WWC1: variants seen among roughly 807,000 people sequenced by gnomAD.
The protein encoded by WWC1 is protein KIBRA.
A neutral mutation model predicts 138.4 loss-of-function variants in WWC1; 55 were observed. That is an observed-to-expected ratio of 0.40 (90% CI 0.32 to 0.50). The LOEUF (loss-of-function observed/expected upper bound fraction) is 0.50. WWC1 is among the 20% of genes least tolerant of loss of function. WWC1 has a pLI of 0.72. For missense variants in WWC1, 1,226 were observed against 1,420.4 expected (o/e 0.86, Z 2.20); for synonymous variants, 524 against 564.9 (o/e 0.93, Z 1.03).
intron 8 of WWC1, 178 bp from the exon 9 acceptor site, chr5:168,414,170 A>G: frequency 1.2e-6 from 1 of 848,570 alleles, no homozygotes. Flanking sequence ...TTGTTGGCAC[A>G]TGGTAGGCAC....
At chr5:168,436,823 T>G (rs746048698) in intron 15 of WWC1, among the ~76,000 whole-genome samples, 11 of 152,108 alleles carry the variant, frequency 7.2e-5, no homozygotes, top group Non-Finnish European at 1.6e-4. Context: ...GGCAGCCATC[T>G]CCTACTTGGT....
At chr5:168,399,717 T>C in intron 5 of WWC1, 150 bp downstream of exon 5, 1 of 809,222 alleles carries the variant, frequency 1.2e-6, no homozygotes, top group Non-Finnish European at 2.0e-6. Context: ...TCCACTGGCA[T>C]TTCCTGAAGA....
At chr5:168,431,507 C>A in intron 15 of WWC1, 63 bp downstream of exon 15, 1 of 1,520,318 alleles carries the variant, frequency 6.6e-7, no homozygotes, top group Non-Finnish European at 8.8e-7. Context: ...GCTGGCTGAC[C>A]GGCCTTCTGT....
chr5:168,414,478 A>T lies in WWC1; in HGVS notation c.1072A>T (p.Ser358Cys), dbSNP rs1780448019. 4 of 1,563,718 alleles carry T rather than the reference A, an allele frequency of 2.6e-6. No homozygotes were observed. The East Asian group carries it at 9.5e-5, about 37-fold the overall frequency. Residue 358 changes from serine to cysteine, a missense_variant, in exon 9 of 23, where the codon AGC becomes TGC. Ser to Cys is a moderately radical substitution (Grantham distance 112, BLOSUM62 -1). Around this residue, in one of 3 missense-constraint regions of WWC1, gnomAD observed 1,016 missense variants for 1,153.9 expected, o/e 0.88. Coordinates refer to ENST00000265293, the MANE Select transcript of WWC1 (RefSeq NM_015238.3). ...EELLKEMRFI[S>C]PRKWTQGEVE... Reference sequence around the variant, plus strand: ...GCTGCTGAAGGAGATGCGCTTCATCAGCCCCCGCAAGTGGACCCAGGGGGA... The same window carrying T: ...GCTGCTGAAGGAGATGCGCTTCATCTGCCCCCGCAAGTGGACCCAGGGGGA...
chr5:168,414,749 G>T, intron 9 of WWC1, 159 bp downstream of exon 9: 1 of 1,135,322 alleles, frequency 8.8e-7, no homozygotes, highest in East Asian at 2.7e-5. Flanking sequence ...AGGAAATCAG[G>T]AAAGATGGTT....
At chr5:168,341,413 C>G (rs1774025598) in intron 1 of WWC1, among the ~76,000 whole-genome samples, 1 of 152,140 alleles carries the variant, frequency 6.6e-6, no homozygotes, top group Non-Finnish European at 1.5e-5. Flanking sequence ...CTCAGCACCC[C>G]ATAGGCACAA....
intron 2 of WWC1, among the ~76,000 whole-genome samples, chr5:168,373,295 A>G (rs192308089): frequency 6.6e-6 from 1 of 152,190 alleles, no homozygotes; most frequent in East Asian, 1.9e-4. Flanking sequence ...AGAAAGTAGT[A>G]GCAGGCCGTG....
intron 1 of WWC1, among the ~76,000 whole-genome samples, chr5:168,326,487 G>A (rs909591828): frequency 1.9e-4 from 29 of 152,232 alleles, no homozygotes; most frequent in African/African-American, 6.5e-4. Flanking sequence ...AAAGTGCTGG[G>A]ATTACAGGCA....
chr5:168,408,717 T>C, intron 7 of WWC1, 64 bp downstream of exon 7: 2 of 1,589,886 alleles, frequency 1.3e-6, no homozygotes, highest in Non-Finnish European at 1.7e-6. Flanking sequence ...GCTGCTGTAA[T>C]GGACAGCTGC....
intron 11 of WWC1, among the ~76,000 whole-genome samples, chr5:168,426,489 T>TGCC (rs1210751575): frequency 6.6e-6 from 1 of 152,196 alleles, no homozygotes; most frequent in Non-Finnish European, 1.5e-5. Context: ...ATTTCCTTCA[T>TGCC]GCCATCTCCA....
At chr5:168,360,435 A>C (rs192522323) in intron 1 of WWC1, among the ~76,000 whole-genome samples, 3 of 152,130 alleles carry the variant, frequency 2.0e-5, no homozygotes, top group African/African-American at 7.2e-5. Context: ...TGCCTCACAG[A>C]AATATTGTTA....
At chr5:168,409,233 T>C (rs370229073) in intron 7 of WWC1, among the ~76,000 whole-genome samples, 28 of 152,216 alleles carry the variant, frequency 1.8e-4, no homozygotes, top group Non-Finnish European at 3.8e-4. Context: ...GCCAGCAACA[T>C]TGAACGAATC....
intron 1 of WWC1, among the ~76,000 whole-genome samples, chr5:168,311,702 C>T (rs1771100506): frequency 6.6e-6 from 1 of 152,126 alleles, no homozygotes; most frequent in Admixed American, 6.5e-5. Context: ...AAAACCCCAT[C>T]TCTACTAAAA....
At chr5:168,419,665 G>A (rs1027478415) in intron 9 of WWC1, among the ~76,000 whole-genome samples, 8 of 152,202 alleles carry the variant, frequency 5.3e-5, no homozygotes, top group African/African-American at 1.7e-4. Context: ...GGCCACAGGC[G>A]GAGAAAGACT....
intron 9 of WWC1, among the ~76,000 whole-genome samples, chr5:168,419,872 A>T (rs4976603): frequency 6.6e-6 from 1 of 152,006 alleles, no homozygotes; most frequent in African/African-American, 2.4e-5. Flanking sequence ...GATATGGTCC[A>T]AAAGCCAGAG....
chr5:168,298,609 T>C (rs1457439029), intron 1 of WWC1, among the ~76,000 whole-genome samples: 2 of 152,250 alleles, frequency 1.3e-5, no homozygotes, highest in East Asian at 1.9e-4. Flanking sequence ...GGATAGATAA[T>C]AGGGAGAAGC....
chr5:168,299,637 G>T (rs1363172271), intron 1 of WWC1, among the ~76,000 whole-genome samples: 1 of 152,196 alleles, frequency 6.6e-6, no homozygotes, highest in African/African-American at 2.4e-5. Flanking sequence ...ATTCCCTGGG[G>T]TCCCAGATTG....
intron 1 of WWC1, among the ~76,000 whole-genome samples, chr5:168,334,848 G>A (rs748981916): frequency 8.5e-5 from 13 of 152,234 alleles, no homozygotes; most frequent in Non-Finnish European, 1.5e-4. Flanking sequence ...GCGCCTGAGC[G>A]CCTGGAGCCC....
At chr5:168,352,332 C>T (rs552488930) in intron 1 of WWC1, among the ~76,000 whole-genome samples, 3 of 152,186 alleles carry the variant, frequency 2.0e-5, no homozygotes, top group Admixed American at 2.0e-4. Flanking sequence ...TGCTGTGCTT[C>T]AGGTTTATCC....
Sources: allele counts gnomAD v4.1 joint callset (sites outside exome capture counted in the v4.1 genomes callset), GRCh38; gene constraint gnomAD v4.1.1; regional missense constraint gnomAD v4.1.1; transcripts MANE v1.5; gene names NCBI Gene and HGNC (gene_info 2026-07-23, HGNC 2026-07-21).